Variants in DOCK1 observed in about 807,000 individuals in gnomAD.
DOCK1 encodes the protein dedicator of cytokinesis protein 1.
In DOCK1, 138 loss-of-function variants were observed where a neutral mutation model predicts 262.7. The observed-to-expected ratio is 0.53, with a 90% CI of 0.46 to 0.61. The LOEUF (loss-of-function observed/expected upper bound fraction) is 0.61. Ranked by LOEUF, DOCK1 falls within the 20% of genes least tolerant of loss-of-function variation. The pLI is 0.00. For synonymous variants in DOCK1, 866 were observed against 867.4 expected (o/e 1.00, Z 0.03); for missense variants, 1,908 against 2,370.7 (o/e 0.80, Z 4.05).
intron 27 of DOCK1, among the ~76,000 whole-genome samples, chr10:127,144,007 A>G (rs2051535583): frequency 6.6e-6 from 1 of 152,036 alleles, no homozygotes; most frequent in Non-Finnish European, 1.5e-5. Flanking sequence ...ATCAAGCTCA[A>G]CTTGCTCCTC....
At chr10:127,122,974 G>C (rs1192780400) in intron 25 of DOCK1, among the ~76,000 whole-genome samples, 1 of 152,206 alleles carries the variant, frequency 6.6e-6, no homozygotes, top group Admixed American at 6.5e-5. Context: ...GGTGCGGTGA[G>C]GGATGAATTT....
At chr10:127,390,417 A>G (rs1288471318) in intron 38 of DOCK1, among the ~76,000 whole-genome samples, 2 of 152,144 alleles carry the variant, frequency 1.3e-5, no homozygotes, top group East Asian at 3.9e-4. Flanking sequence ...TGAAATCCTA[A>G]CCTTCAGTAT....
At position 126,995,610 on chromosome 10, in the gene DOCK1, G is replaced by A. The variant is rs1167765683; in HGVS notation, c.474-1138G>A. Among the ~76,000 whole-genome samples the A allele has an allele frequency of 6.6e-6, 1 of 152,224 alleles. No individual in the cohort carries two copies. The highest frequency in any genetic ancestry group is 1.9e-4 in the East Asian group (1 of 5,182). ...CGGCAGTACAGTCCAGCCTTGGCTC[G>A]GCATCAGAGGCAGACCGTGGAGAGA... On this transcript the variant is annotated intron_variant, in intron 6 of 51. Transcript: ENST00000623213. This position sits in a 1 kb window ranked among gnomAD's most constrained non-coding sequence, Gnocchi z 5.8.
At chr10:126,965,834 A>C (rs941850356) in intron 1 of DOCK1, among the ~76,000 whole-genome samples, 2 of 152,182 alleles carry the variant, frequency 1.3e-5, no homozygotes, top group Non-Finnish European at 2.9e-5. Flanking sequence ...TGATCAGATT[A>C]GGGTAATTAG....
chr10:127,001,275 A>C (rs535855817), intron 10 of DOCK1: 1 of 152,310 alleles, frequency 6.6e-6, no homozygotes, highest in South Asian at 2.1e-4. Flanking sequence ...GAAACTCTGA[A>C]CTTAGTCCAT....
intron 29 of DOCK1, among the ~76,000 whole-genome samples, chr10:127,278,031 C>T (rs1364237661): frequency 7.2e-5 from 11 of 152,074 alleles, no homozygotes; most frequent in African/African-American, 2.4e-4. Context: ...GCTGTGTCCA[C>T]TCACTAATCC....
chr10:127,131,183 A>T (rs896271831), intron 27 of DOCK1, among the ~76,000 whole-genome samples: 1 of 152,142 alleles, frequency 6.6e-6, no homozygotes, highest in Non-Finnish European at 1.5e-5. Flanking sequence ...ATCCAGAGCC[A>T]CATTGATATC....
At chr10:127,403,792 G>C (rs766227705) in intron 39 of DOCK1, among the ~76,000 whole-genome samples, 2 of 152,190 alleles carry the variant, frequency 1.3e-5, no homozygotes, top group Non-Finnish European at 2.9e-5. Flanking sequence ...TTCTATGAGA[G>C]AGGGATGGAT....
intron 29 of DOCK1, among the ~76,000 whole-genome samples, chr10:127,328,276 C>T (rs2062827762): frequency 6.6e-6 from 1 of 152,108 alleles, no homozygotes. Flanking sequence ...GTATGCTGAG[C>T]GTGAAATACC....
chr10:127,331,039 A>G (rs1281631272), intron 29 of DOCK1, among the ~76,000 whole-genome samples: 1 of 152,124 alleles, frequency 6.6e-6, no homozygotes, highest in Non-Finnish European at 1.5e-5. Flanking sequence ...TCAAACTGGC[A>G]AGCTGTCACG....
intron 21 of DOCK1, among the ~76,000 whole-genome samples, chr10:127,048,724 G>T (rs1300033090): frequency 1.3e-5 from 2 of 152,214 alleles, no homozygotes; most frequent in Non-Finnish European, 2.9e-5. Flanking sequence ...GGACAGCTCA[G>T]AAACAGGTTT....
At chr10:126,964,625 G>C (rs1217015427) in intron 1 of DOCK1, among the ~76,000 whole-genome samples, 1 of 152,258 alleles carries the variant, frequency 6.6e-6, no homozygotes, top group Non-Finnish European at 1.5e-5. Context: ...ATTAATTAAC[G>C]TTTAAGTTGC....
chr10:127,354,576 T>A, intron 31 of DOCK1, 93 bp from the exon 32 acceptor site: 1 of 1,464,296 alleles, frequency 6.8e-7, no homozygotes, highest in East Asian at 2.3e-5. Flanking sequence ...GCCTCAGTGC[T>A]AGAAGGCTTT....
rs914135612 is a variant in DOCK1, at chr10:126,934,066, C to G, written c.46+28503C>G. 1.4e-4 allele frequency among the ~76,000 whole-genome samples: 22 copies of G among 152,250 alleles called. 1 individual carries two copies. Among genetic ancestry groups the G allele is most frequent in the African/African-American group, 5.1e-4 (21 of 41,552 alleles). ...TCCTGACCTTGTAATCTGCCCTCCTCTTGGCCTCCCAAAGTGCTGGGATTA... is the reference window on the plus strand; with the variant it reads ...TCCTGACCTTGTAATCTGCCCTCCTGTTGGCCTCCCAAAGTGCTGGGATTA... On this transcript the variant is annotated intron_variant, in intron 1 of 51. Transcript: ENST00000623213.
intron 38 of DOCK1, among the ~76,000 whole-genome samples, chr10:127,391,173 C>T (rs188858017): frequency 5.3e-5 from 8 of 152,110 alleles, no homozygotes; most frequent in Non-Finnish European, 7.4e-5. Context: ...AAATGTATGT[C>T]GAAATGGCAA....
chr10:126,969,606 A>C (rs1234063255), intron 1 of DOCK1, among the ~76,000 whole-genome samples: 1 of 152,142 alleles, frequency 6.6e-6, no homozygotes, highest in Non-Finnish European at 1.5e-5. Flanking sequence ...GAGCGGAGTT[A>C]AAAGATCAAA....
At chr10:126,966,299 C>T (rs983493618) in intron 1 of DOCK1, among the ~76,000 whole-genome samples, 3 of 152,160 alleles carry the variant, frequency 2.0e-5, no homozygotes, top group Admixed American at 1.3e-4. Context: ...CTTTATTCAT[C>T]TGTGTGGGAC....
intron 16 of DOCK1, among the ~76,000 whole-genome samples, chr10:127,029,879 T>C (rs963703579): frequency 2.0e-5 from 3 of 152,196 alleles, no homozygotes; most frequent in Non-Finnish European, 4.4e-5. Context: ...TTGCCGTTGT[T>C]TCCAAGTCCA....
intron 29 of DOCK1, among the ~76,000 whole-genome samples, chr10:127,330,509 T>C (rs1451910559): frequency 6.6e-6 from 1 of 152,104 alleles, no homozygotes; most frequent in Non-Finnish European, 1.5e-5. Flanking sequence ...ACAGCCACTA[T>C]GGAAAATAGT....
Sources: allele counts gnomAD v4.1 joint callset (sites outside exome capture counted in the v4.1 genomes callset), GRCh38; gene constraint gnomAD v4.1.1; non-coding constraint Gnocchi (gnomAD v3.1); transcripts MANE v1.5; gene names NCBI Gene and HGNC (gene_info 2026-07-23, HGNC 2026-07-21).